The following KIF26B variants were observed in gnomAD, a reference collection of about 807,000 sequenced individuals.
KIF26B encodes kinesin-like protein KIF26B.
In KIF26B, 63 loss-of-function variants were observed where a neutral mutation model predicts 151.2. The observed-to-expected ratio is 0.42, with a 90% confidence interval of 0.34 to 0.51. The LOEUF (loss-of-function observed/expected upper bound fraction) is 0.51. KIF26B is among the 20% of genes least tolerant of loss of function. KIF26B has a pLI of 0.07. For synonymous variants in KIF26B, 1,357 were observed against 1,262.1 expected (o/e 1.08, Z -1.59); for missense variants, 2,813 against 2,913.6 (o/e 0.97, Z 0.79).
chr1:245,626,041 A>T (rs1392009309), intron 9 of KIF26B, among the ~76,000 whole-genome samples: 2 of 152,150 alleles, frequency 1.3e-5, no homozygotes, highest in Non-Finnish European at 2.9e-5. Flanking sequence ...TTTGCTACAA[A>T]TGACAGGATT....
chr1:245,486,170 A>G (rs1035584613), intron 4 of KIF26B, among the ~76,000 whole-genome samples: 1 of 152,244 alleles, frequency 6.6e-6, no homozygotes, highest in Non-Finnish European at 1.5e-5. Context: ...CATAGTCTTT[A>G]GGCTTCTTTC....
chr1:245,507,773 T>C (rs1660753340), intron 4 of KIF26B, among the ~76,000 whole-genome samples: 1 of 152,180 alleles, frequency 6.6e-6, no homozygotes. Flanking sequence ...GATTCCCAGC[T>C]TCACAGCACT....
intron 2 of KIF26B, among the ~76,000 whole-genome samples, chr1:245,291,477 C>G (rs1447771270): frequency 6.6e-6 from 1 of 152,212 alleles, no homozygotes; most frequent in Non-Finnish European, 1.5e-5. Flanking sequence ...GATCCCTCCA[C>G]TGCTTTGTGA....
chr1:245,492,800 A>G lies in KIF26B; in HGVS notation c.1167-47967A>G, dbSNP rs948402182. 2.0e-4 allele frequency among the ~76,000 whole-genome samples: 30 copies of G among 149,262 alleles called. No individual in the cohort carries two copies. The East Asian group carries it at 2.3e-3, about 12-fold the overall frequency. On this transcript the variant is annotated intron_variant, in intron 4 of 14. Coordinates refer to ENST00000407071, the MANE Select transcript of KIF26B (RefSeq NM_018012.4). ...CTTTTATTTTTATTTTTATTTTTGG[A>G]GATGGAGTCTTGCTCTGTCGCCCAG...
chr1:245,672,874 T>C (rs906800712), intron 10 of KIF26B, among the ~76,000 whole-genome samples: 1 of 151,970 alleles, frequency 6.6e-6, no homozygotes, highest in Non-Finnish European at 1.5e-5. Context: ...AATCCATTGT[T>C]TTTTTTTAAA....
chr1:245,231,009 G>A (rs1191585933), intron 2 of KIF26B, among the ~76,000 whole-genome samples: 5 of 151,948 alleles, frequency 3.3e-5, no homozygotes, highest in Non-Finnish European at 7.4e-5. Flanking sequence ...TCTCAGGCAT[G>A]AAGACGAGAT....
At position 245,254,220 on chromosome 1, in the gene KIF26B, T is replaced by G. The variant is rs190196015; in HGVS notation, c.465+97537T>G. Among the ~76,000 whole-genome samples, 211 of 152,322 alleles carry G rather than the reference T, an allele frequency of 1.4e-3. 3 individuals are homozygous for G. Among genetic ancestry groups the G allele is most frequent in the African/African-American group, 4.8e-3 (200 of 41,576 alleles). ...TTTAGCAGTAGTTTTTCTTTCTGATTAACTTTATTTCTAGAATTTTATTAG... is the reference window on the plus strand; with the variant it reads ...TTTAGCAGTAGTTTTTCTTTCTGATGAACTTTATTTCTAGAATTTTATTAG... On this transcript the variant is annotated intron_variant, in intron 2 of 14. Coordinates refer to ENST00000407071, the MANE Select transcript of KIF26B (RefSeq NM_018012.4).
chr1:245,684,504 G>A, intron 11 of KIF26B, 109 bp downstream of exon 11: 4 of 1,178,994 alleles, frequency 3.4e-6, no homozygotes, highest in Non-Finnish European at 3.5e-6. Flanking sequence ...CCCAGCATCA[G>A]GAGATGTGAC....
chr1:245,656,291 C>G (rs183679486), intron 10 of KIF26B, among the ~76,000 whole-genome samples: 2 of 152,148 alleles, frequency 1.3e-5, no homozygotes, highest in Non-Finnish European at 2.9e-5. Context: ...CTCTCCTCCT[C>G]GAGTCCCACT....
intron 10 of KIF26B, among the ~76,000 whole-genome samples, chr1:245,652,136 GTGTGTGT>G (rs766656765): frequency 0.013 from 1,841 of 141,474 alleles, 19 homozygotes; most frequent in Admixed American, 0.019. Context: ...GTGTGTGTGT[GTGTGTGT>G]GTGAGAGAGA....
chr1:245,409,471 G>A (rs1364666266), intron 3 of KIF26B, among the ~76,000 whole-genome samples: 1 of 152,212 alleles, frequency 6.6e-6, no homozygotes, highest in East Asian at 1.9e-4. Flanking sequence ...TGTTTGCAGA[G>A]TCTCATCATG....
intron 2 of KIF26B, among the ~76,000 whole-genome samples, chr1:245,248,015 A>G (rs1271885379): frequency 3.9e-5 from 6 of 152,170 alleles, no homozygotes; most frequent in Non-Finnish European, 8.8e-5. Flanking sequence ...AACTACTTCT[A>G]TCAGTCACAG....
At chr1:245,591,385 A>G (rs938646974) in intron 5 of KIF26B, among the ~76,000 whole-genome samples, 3 of 152,180 alleles carry the variant, frequency 2.0e-5, no homozygotes, top group East Asian at 3.8e-4. Flanking sequence ...AAGGGATGTT[A>G]TGGGCATTTG....
intron 2 of KIF26B, among the ~76,000 whole-genome samples, chr1:245,285,972 T>G (rs1231984884): frequency 7.2e-6 from 1 of 137,972 alleles, no homozygotes; most frequent in East Asian, 2.1e-4. Flanking sequence ...CACTCCAGCC[T>G]GGATGACAGA....
intron 2 of KIF26B, among the ~76,000 whole-genome samples, chr1:245,178,557 C>A (rs1219253178): frequency 6.6e-6 from 1 of 152,148 alleles, no homozygotes; most frequent in Non-Finnish European, 1.5e-5. Flanking sequence ...CATTGCACGG[C>A]CATCGCCACC....
Position 245,470,427 on chromosome 1 carries a change from C to CTTTGTT in KIF26B, c.1166+50699_1166+50704dup, listed in dbSNP as rs111747351. Among the ~76,000 whole-genome samples, 581 of 151,724 alleles carry CTTTGTT rather than the reference C, an allele frequency of 3.8e-3. 2 individuals carry two copies. The highest frequency in any genetic ancestry group is 6.8e-3 in the Middle Eastern group (2 of 294). Reference sequence around the variant, plus strand: ...ACCATTTTTCTGAAGCATAATGCCACTTTGTTTTTGTTTTTGTTTTTGAGA... The same window carrying CTTTGTT: ...ACCATTTTTCTGAAGCATAATGCCACTTTGTTTTTGTTTTTGTTTTTGTTTTTGAGA... On this transcript the variant is annotated intron_variant, in intron 4 of 14. Transcript: ENST00000407071.
rs1443603604 is a variant in KIF26B, at chr1:245,686,167, C to A, written c.3184C>A (p.Pro1062Thr). The change falls in exon 12 of 15, where the codon CCC becomes ACC. Residue 1062 changes from proline to threonine, a missense_variant. Physicochemically the swap from Pro to Thr is conservative, Grantham distance 38 (BLOSUM62 -1). Around this residue, in one of 3 missense-constraint regions of KIF26B, gnomAD observed 2,060 missense variants for 2,088.6 expected, o/e 0.99. Transcript: ENST00000407071. This position sits in a 1 kb window ranked among gnomAD's most constrained non-coding sequence, Gnocchi z 5.6. ...CGGCTTCGTGGAAGGCAAGCCCAGG[C>A]CCATGGGCTCCCCCCGGCTGGGCAT... ...SCGFVEGKPR[P>T]MGSPRLGIAS... The A allele has an allele frequency of 6.2e-7, 1 of 1,612,514 alleles. No individual in the cohort carries two copies. The highest frequency in any genetic ancestry group is 1.7e-5 in the Admixed American group (1 of 60,018).
At chr1:245,671,260 G>C (rs10924297) in intron 10 of KIF26B, among the ~76,000 whole-genome samples, 5,126 of 152,120 alleles carry the variant, frequency 0.034, 226 homozygotes, top group African/African-American at 0.1. Context: ...GGACATTTAG[G>C]TTGCTTCCAA....
rs1672337995 is a variant in KIF26B, at chr1:245,341,731, T to C, written c.466-25103T>C. On this transcript the variant is annotated intron_variant, in intron 2 of 14. Coordinates refer to ENST00000407071, the MANE Select transcript of KIF26B (RefSeq NM_018012.4). ...AACACAGGAGACTATGTTCTCCACA[T>C]TGAAAAGTTCCTTCATCTTTTTTAA... is the stretch of plus-strand genomic sequence containing the variant. Among the ~76,000 whole-genome samples, 4 of 152,166 alleles carry C rather than the reference T, an allele frequency of 2.6e-5. No individual in the cohort carries two copies. In the South Asian group the frequency reaches 8.3e-4, roughly 31 times the overall value.
Sources: allele counts gnomAD v4.1 joint callset (sites outside exome capture counted in the v4.1 genomes callset), GRCh38; gene constraint gnomAD v4.1.1; regional missense constraint gnomAD v4.1.1; non-coding constraint Gnocchi (gnomAD v3.1); transcripts MANE v1.5; gene names NCBI Gene and HGNC (gene_info 2026-07-23, HGNC 2026-07-21).